Variants in CIMIP4 observed in about 807,000 individuals in gnomAD.
CIMIP4 encodes protein EAN57.
At chr22:37,001,186 G>A in the CIMIP4 span, among the ~76,000 whole-genome samples, 5 of 151,846 alleles carry the variant, frequency 3.3e-5, no homozygotes, top group African/African-American at 9.7e-5. Context: ...ATGCTATATC[G>A]GGTGGAAAAG....
At chr22:37,004,688 T>C in the CIMIP4 span, among the ~76,000 whole-genome samples, 33 of 121,632 alleles carry the variant, frequency 2.7e-4, no homozygotes, top group African/African-American at 9.2e-4. Flanking sequence ...TCTTATGTGA[T>C]CTTTCTTTTT....
the CIMIP4 span, among the ~76,000 whole-genome samples, chr22:36,993,493 A>C: frequency 6.6e-6 from 1 of 151,954 alleles, no homozygotes; most frequent in Non-Finnish European, 1.5e-5. Context: ...AAAAAGAGAG[A>C]GAAAAAGAAG....
the CIMIP4 span, among the ~76,000 whole-genome samples, chr22:36,997,822 C>T: frequency 6.6e-6 from 1 of 152,242 alleles, no homozygotes; most frequent in African/African-American, 2.4e-5. Context: ...TGCCTCACTC[C>T]TGTGCAGCCA....
chr22:36,997,627 C>T, the CIMIP4 span, among the ~76,000 whole-genome samples: 2 of 152,210 alleles, frequency 1.3e-5, no homozygotes, highest in Non-Finnish European at 2.9e-5. Context: ...CTGCCTCCTA[C>T]CAGTTTCCCT....
At chr22:36,994,176 G>A in the CIMIP4 span, among the ~76,000 whole-genome samples, 1 of 152,184 alleles carries the variant, frequency 6.6e-6, no homozygotes, top group African/African-American at 2.4e-5. Flanking sequence ...TATTATAGAG[G>A]GAGATTTAAA....
the CIMIP4 span, chr22:37,002,346 C>T: frequency 4.3e-6 from 5 of 1,161,372 alleles, no homozygotes; most frequent in African/African-American, 1.7e-5. Context: ...GAGAGAGACA[C>T]GCAGACAAGG....
the CIMIP4 span, chr22:37,001,802 A>T: frequency 6.7e-7 from 1 of 1,493,068 alleles, no homozygotes; most frequent in Non-Finnish European, 9.0e-7. Flanking sequence ...TCATTATAAG[A>T]CTCTGCATCA....
chr22:37,001,063 T>A, the CIMIP4 span, among the ~76,000 whole-genome samples: 3 of 152,240 alleles, frequency 2.0e-5, no homozygotes, highest in Admixed American at 2.0e-4. Flanking sequence ...AGGGTTGAGA[T>A]GGTGGCTTTA....
At chr22:37,001,151 A>G in the CIMIP4 span, among the ~76,000 whole-genome samples, 204 of 152,106 alleles carry the variant, frequency 1.3e-3, no homozygotes, top group African/African-American at 4.7e-3. Context: ...ATCTCGTGTC[A>G]GTTGATTTGT....
the CIMIP4 span, among the ~76,000 whole-genome samples, chr22:36,995,910 G>T: frequency 6.6e-6 from 1 of 152,160 alleles, no homozygotes; most frequent in Non-Finnish European, 1.5e-5. Flanking sequence ...ATGATGTAAT[G>T]TTAGAATCAA....
the CIMIP4 span, chr22:37,004,159 T>C: frequency 1.4e-6 from 1 of 737,882 alleles, no homozygotes; most frequent in Non-Finnish European, 2.1e-6. Flanking sequence ...AAGCTGCCCC[T>C]GGTGCCCTCT....
chr22:37,001,097 A>G, the CIMIP4 span, among the ~76,000 whole-genome samples: 3 of 152,128 alleles, frequency 2.0e-5, no homozygotes, highest in Non-Finnish European at 4.4e-5. Flanking sequence ...GAATGCCAGG[A>G]CAGAAAGAAC....
chr22:36,999,806 T>C, the CIMIP4 span: 2 of 1,593,532 alleles, frequency 1.3e-6, no homozygotes, highest in Non-Finnish European at 1.7e-6. Flanking sequence ...AGACCATGGG[T>C]GTTCACGGCC....
the CIMIP4 span, chr22:36,991,591 C>G: frequency 6.2e-7 from 1 of 1,614,044 alleles, no homozygotes; most frequent in Non-Finnish European, 8.5e-7. Flanking sequence ...CTCAGCAGCC[C>G]CTGTAGAATA....
the CIMIP4 span, among the ~76,000 whole-genome samples, chr22:37,005,027 C>T: frequency 4.6e-5 from 7 of 152,226 alleles, no homozygotes; most frequent in South Asian, 1.5e-3. Context: ...CCTGGTTCTC[C>T]TTGGTTTGCT....
the CIMIP4 span, among the ~76,000 whole-genome samples, chr22:37,006,345 A>T: frequency 1.3e-5 from 2 of 152,238 alleles, no homozygotes; most frequent in Non-Finnish European, 2.9e-5. Context: ...TTGAAACCTA[A>T]TCAAGGAATG....
chr22:37,006,072 C>T, the CIMIP4 span, among the ~76,000 whole-genome samples: 1 of 152,072 alleles, frequency 6.6e-6, no homozygotes, highest in Non-Finnish European at 1.5e-5. Flanking sequence ...ACCATAGGAC[C>T]TCTAGGAAGC....
At chr22:36,996,672 T>G in the CIMIP4 span, among the ~76,000 whole-genome samples, 1 of 152,342 alleles carries the variant, frequency 6.6e-6, no homozygotes, top group East Asian at 1.9e-4. Context: ...TCATGGAAAT[T>G]TCTGTTTATT....
chr22:37,002,108 G>A, the CIMIP4 span: 2 of 1,568,880 alleles, frequency 1.3e-6, no homozygotes, highest in South Asian at 1.2e-5. Context: ...CGGGGGTGGA[G>A]GGGGAATCTC....
Sources: gnomAD v4.1 joint callset for allele counts (sites outside exome capture counted in the v4.1 genomes callset) on GRCh38, gnomAD v4.1.1 for gene constraint, MANE v1.5 for transcripts, NCBI Gene and HGNC (gene_info 2026-07-23, HGNC 2026-07-21) for gene names.